Variants in EYS observed in about 807,000 individuals in gnomAD.
EYS encodes protein eyes shut homolog.
In EYS, 250 loss-of-function variants were observed where a neutral mutation model predicts 282.1. The observed-to-expected ratio is 0.89, with a 90% CI of 0.80 to 0.98. EYS has a LOEUF of 0.98. EYS is among the 50% of genes least tolerant of loss of function. The probability of loss-of-function intolerance (pLI) is 0.00; values close to 1 mark genes in which losing one functional copy is unlikely to be tolerated. For synonymous variants in EYS, 1,355 were observed against 1,282.9 expected (o/e 1.06, Z -1.20); for missense variants, 4,016 against 3,709.0 (o/e 1.08, Z -2.15).
At chr6:64,227,074 G>T (rs747918660) in intron 31 of EYS, among the ~76,000 whole-genome samples, 3 of 151,834 alleles carry the variant, frequency 2.0e-5, no homozygotes, top group Non-Finnish European at 4.4e-5. Context: ...AGATGTCTAC[G>T]CAATTATATA....
chr6:64,661,772 T>G (rs1057258027), intron 22 of EYS, among the ~76,000 whole-genome samples: 2 of 136,648 alleles, frequency 1.5e-5, no homozygotes, highest in Admixed American at 1.5e-4. Flanking sequence ...GGAACACTTT[T>G]ACACTGTTGG....
chr6:64,682,039 C>A (rs2149905234), intron 22 of EYS, among the ~76,000 whole-genome samples: 1 of 152,284 alleles, frequency 6.6e-6, no homozygotes, highest in Non-Finnish European at 1.5e-5. Flanking sequence ...AGAGGAGAAA[C>A]AAGCAGTTAA....
chr6:63,853,590 A>G (rs566998942), intron 36 of EYS, among the ~76,000 whole-genome samples: 23 of 152,310 alleles, frequency 1.5e-4, no homozygotes, highest in African/African-American at 4.8e-4. Flanking sequence ...TGCTATTCCT[A>G]TCAAGCTACC....
At chr6:64,751,100 A>T (rs1171382837) in intron 22 of EYS, among the ~76,000 whole-genome samples, 3 of 151,018 alleles carry the variant, frequency 2.0e-5, no homozygotes, top group Non-Finnish European at 2.9e-5. Flanking sequence ...CTTTTGGTAC[A>T]CCTGCCAACC....
intron 22 of EYS, among the ~76,000 whole-genome samples, chr6:64,687,535 T>C (rs1186824096): frequency 6.6e-6 from 1 of 152,212 alleles, no homozygotes; most frequent in Non-Finnish European, 1.5e-5. Flanking sequence ...TTGATTTGCA[T>C]ATGTTGAACC....
chr6:64,365,670 T>C (rs909346364), intron 29 of EYS, among the ~76,000 whole-genome samples: 1 of 152,060 alleles, frequency 6.6e-6, no homozygotes, highest in Non-Finnish European at 1.5e-5. Flanking sequence ...AAACAGTATA[T>C]AACTTTTTGC....
intron 29 of EYS, among the ~76,000 whole-genome samples, chr6:64,382,087 C>A (rs929788657): frequency 2.0e-5 from 3 of 152,180 alleles, no homozygotes; most frequent in African/African-American, 7.2e-5. Context: ...CAATATTGAA[C>A]AGCCCCTCCT....
intron 33 of EYS, among the ~76,000 whole-genome samples, chr6:64,022,876 T>C (rs1010375009): frequency 6.6e-6 from 1 of 152,368 alleles, no homozygotes; most frequent in Non-Finnish European, 1.5e-5. Flanking sequence ...TCTTTAGACA[T>C]AGCAAAGACC....
intron 29 of EYS, among the ~76,000 whole-genome samples, chr6:64,343,855 T>TA (rs1311944210): frequency 1.3e-5 from 2 of 151,792 alleles, no homozygotes; most frequent in Admixed American, 6.6e-5. Context: ...ATAGACGCAA[T>TA]AAAAAATGAT....
chr6:64,722,066 A>T (rs1297427145), intron 22 of EYS, among the ~76,000 whole-genome samples: 1 of 152,166 alleles, frequency 6.6e-6, no homozygotes, highest in Non-Finnish European at 1.5e-5. Flanking sequence ...GTTTCAACAT[A>T]ATAAACTGTA....
At chr6:65,387,392 G>C (rs1193356565) in intron 7 of EYS, among the ~76,000 whole-genome samples, 1 of 151,444 alleles carries the variant, frequency 6.6e-6, no homozygotes, top group Non-Finnish European at 1.5e-5. Flanking sequence ...TAATTTATAA[G>C]ATAAAAATCA....
intron 30 of EYS, among the ~76,000 whole-genome samples, chr6:64,267,240 A>G (rs1416816114): frequency 2.0e-5 from 3 of 152,152 alleles, no homozygotes; most frequent in African/African-American, 7.2e-5. Flanking sequence ...AAGAGATCTG[A>G]GAGGCTCGAA....
At position 64,335,190 on chromosome 6, in the gene EYS, G is replaced by C. The variant is rs1393148505; in HGVS notation, c.6079-28108C>G. Among the ~76,000 whole-genome samples, 3 of 152,034 alleles carry C rather than the reference G, an allele frequency of 2.0e-5. No homozygotes were observed. The South Asian group carries it at 6.2e-4, about 32-fold the overall frequency. On this transcript the variant is annotated intron_variant, in intron 29 of 42. Transcript: ENST00000503581. ...TAATGAAATCAACTATAACCTACTA[G>C]TAGTAGTAACAGAAATTTTAAAATC...
intron 2 of EYS, among the ~76,000 whole-genome samples, chr6:65,599,914 T>C (rs1392519081): frequency 6.6e-6 from 1 of 152,078 alleles, no homozygotes; most frequent in East Asian, 1.9e-4. Context: ...AAGAATTGGT[T>C]ATGTGCTGTT....
intron 31 of EYS, among the ~76,000 whole-genome samples, chr6:64,221,000 T>C (rs1766084191): frequency 6.6e-6 from 1 of 152,154 alleles, no homozygotes; most frequent in Non-Finnish European, 1.5e-5. Flanking sequence ...AGTTACTTAT[T>C]ATTGAGTTGG....
At chr6:63,984,988 G>T (rs1767287964) in intron 34 of EYS, among the ~76,000 whole-genome samples, 2 of 151,672 alleles carry the variant, frequency 1.3e-5, no homozygotes, top group African/African-American at 4.8e-5. Flanking sequence ...GGGTTGAATT[G>T]TGTTCCCTCC....
chr6:63,847,662 G>T (rs905745714), intron 36 of EYS, among the ~76,000 whole-genome samples: 1 of 152,118 alleles, frequency 6.6e-6, no homozygotes, highest in Admixed American at 6.6e-5. Flanking sequence ...TTAAGAAATT[G>T]TTTTTTGCCT....
intron 14 of EYS, among the ~76,000 whole-genome samples, chr6:64,966,680 G>C (rs9354193): frequency 0.36 from 54,008 of 152,052 alleles, 11,629 homozygotes; most frequent in Admixed American, 0.49. Flanking sequence ...GTGTAACATG[G>C]TTGCTTCAAT....
At chr6:64,211,203 T>C (rs1444326088) in intron 31 of EYS, among the ~76,000 whole-genome samples, 1 of 152,202 alleles carries the variant, frequency 6.6e-6, no homozygotes, top group Non-Finnish European at 1.5e-5. Context: ...CATGTCTTTC[T>C]GGAGAACCCT....
Sources: gnomAD v4.1 joint callset for allele counts (sites outside exome capture counted in the v4.1 genomes callset) on GRCh38, gnomAD v4.1.1 for gene constraint, MANE v1.5 for transcripts, NCBI Gene and HGNC (gene_info 2026-07-23, HGNC 2026-07-21) for gene names.